The following DMXL1 variants were observed in gnomAD, a reference collection of about 807,000 sequenced individuals.
The protein encoded by DMXL1 is dmX-like protein 1.
In DMXL1, 99 loss-of-function variants were observed where a neutral mutation model predicts 319.2. The ratio of observed to expected loss-of-function variants is 0.31; its 90% confidence interval spans 0.26 to 0.37. DMXL1 has a LOEUF of 0.37. Among genes scored for constraint, DMXL1 ranks in the 10% least tolerant of loss-of-function variants. The probability of loss-of-function intolerance (pLI) is 1.00; values close to 1 mark genes in which losing one functional copy is unlikely to be tolerated. For missense variants in DMXL1, 3,745 were observed against 3,595.6 expected (o/e 1.04, Z -1.06); for synonymous variants, 1,385 against 1,235.2 (o/e 1.12, Z -2.54).
At chr5:119,098,126 T>A in intron 2 of DMXL1, 22 bp downstream of exon 2, 5 of 1,593,346 alleles carry the variant, frequency 3.1e-6, no homozygotes, top group Non-Finnish European at 3.4e-6. Flanking sequence ...TCTTCTAATA[T>A]ACAAATTTGT....
At chr5:119,188,995 CT>C (rs1183687312) in intron 28 of DMXL1, among the ~76,000 whole-genome samples, 3 of 152,058 alleles carry the variant, frequency 2.0e-5, no homozygotes, top group Non-Finnish European at 4.4e-5. Context: ...CTGCAAAATC[CT>C]TGATTGTCTA....
At chr5:119,089,263 C>CATATAT (rs577898951) in intron 1 of DMXL1, among the ~76,000 whole-genome samples, 121 of 80,856 alleles carry the variant, frequency 1.5e-3, no homozygotes, top group African/African-American at 5.5e-3. Flanking sequence ...ATTATATATG[C>CATATAT]ATATATATAT....
intron 36 of DMXL1, 30 bp downstream of exon 36, chr5:119,220,623 A>G: frequency 1.2e-6 from 2 of 1,602,316 alleles, no homozygotes; most frequent in Non-Finnish European, 1.7e-6. Flanking sequence ...CTATTTAGTA[A>G]TGTTGCAATA....
intron 9 of DMXL1, among the ~76,000 whole-genome samples, chr5:119,123,968 C>T (rs888041977): frequency 1.3e-5 from 2 of 150,672 alleles, no homozygotes; most frequent in African/African-American, 2.4e-5. Context: ...TGCAGCAACT[C>T]ACTGGATTAG....
intron 3 of DMXL1, among the ~76,000 whole-genome samples, chr5:119,103,227 T>C (rs1241336561): frequency 4.6e-5 from 7 of 152,208 alleles, no homozygotes; most frequent in Non-Finnish European, 1.0e-4. Flanking sequence ...GATTACTATC[T>C]ATTCAGTCTT....
intron 8 of DMXL1, among the ~76,000 whole-genome samples, chr5:119,120,024 G>A (rs1470813048): frequency 3.3e-5 from 5 of 151,986 alleles, no homozygotes; most frequent in Admixed American, 2.6e-4. Context: ...GGGATTACAG[G>A]TGTGTGCCAC....
chr5:119,130,251 T>C (rs1764552224), intron 10 of DMXL1, among the ~76,000 whole-genome samples: 1 of 152,204 alleles, frequency 6.6e-6, no homozygotes, highest in Non-Finnish European at 1.5e-5. Context: ...TTGCTTATGC[T>C]CACACAAACA....
At chr5:119,198,714 G>A (rs1780112501) in intron 32 of DMXL1, among the ~76,000 whole-genome samples, 1 of 152,192 alleles carries the variant, frequency 6.6e-6, no homozygotes, top group Non-Finnish European at 1.5e-5. Flanking sequence ...CACATTACCT[G>A]ACTTCAAACT....
chr5:119,122,143 C>CT, intron 9 of DMXL1, among the ~76,000 whole-genome samples: 1 of 136,240 alleles, frequency 7.3e-6, no homozygotes. Flanking sequence ...GGGGCTGACC[C>CT]CCCCACCTCC....
intron 39 of DMXL1, among the ~76,000 whole-genome samples, chr5:119,234,216 G>A (rs1324816516): frequency 6.6e-6 from 1 of 152,082 alleles, no homozygotes; most frequent in Non-Finnish European, 1.5e-5. Flanking sequence ...TTATTGAACA[G>A]TACTGCTCCT....
chr5:119,232,666 T>G (rs1487062885), intron 38 of DMXL1, among the ~76,000 whole-genome samples: 1 of 152,104 alleles, frequency 6.6e-6, no homozygotes, highest in African/African-American at 2.4e-5. Flanking sequence ...TAGTCATTTA[T>G]CTTATTCATA....
Position 119,247,468 on chromosome 5 carries a change from A to T in DMXL1, c.*249A>T. On this transcript the variant is annotated 3_prime_UTR_variant, in exon 44 of 44. Coordinates refer to ENST00000539542, the MANE Select transcript of DMXL1 (RefSeq NM_001290321.3). Reference sequence around the variant, plus strand: ...ATACATATCATAGTATATTATAATCAGTATGTCATAGTGTTAAAGGTGTTT... The same window carrying T: ...ATACATATCATAGTATATTATAATCTGTATGTCATAGTGTTAAAGGTGTTT... The T allele has an allele frequency of 3.5e-6, 1 of 282,644 alleles. No individual in the cohort carries two copies. The highest frequency in any genetic ancestry group is 4.6e-5 in the Admixed American group (1 of 21,602). The allele number at this position is 282,644 out of a possible 1,614,324, so 17.5% of individuals were successfully genotyped here.
intron 34 of DMXL1, among the ~76,000 whole-genome samples, chr5:119,207,738 T>C (rs1030031816): frequency 6.6e-6 from 1 of 152,204 alleles, no homozygotes; most frequent in Non-Finnish European, 1.5e-5. Flanking sequence ...GCCAGGCTGA[T>C]GTCAAACTCC....
At chr5:119,242,145 A>G (rs543688850) in intron 42 of DMXL1, among the ~76,000 whole-genome samples, 1 of 152,048 alleles carries the variant, frequency 6.6e-6, no homozygotes, top group African/African-American at 2.4e-5. Flanking sequence ...CTTTTTCTTA[A>G]TTTTTTGGAT....
At chr5:119,139,030 T>G (rs1448911969) in intron 13 of DMXL1, 3 of 152,222 alleles carry the variant, frequency 2.0e-5, no homozygotes, top group Admixed American at 2.0e-4. Flanking sequence ...ACCAAGAATT[T>G]CATATCTAGT....
In DMXL1 at chr5:119,116,140, T is replaced by C. The variant is rs1201421834; in HGVS notation, c.565-18T>C. ...TTCTGATCTCCATGATTTTCTGTTTTGTTTTTTTTTTCCTTAGGATGACTG... is the reference window on the plus strand; with the variant it reads ...TTCTGATCTCCATGATTTTCTGTTTCGTTTTTTTTTTCCTTAGGATGACTG... On this transcript the variant is annotated intron_variant, in intron 6 of 43. Transcript: ENST00000539542. The C allele has an allele frequency of 6.4e-7, 1 of 1,563,704 alleles. No homozygotes were observed. Among genetic ancestry groups the C allele is most frequent in the Non-Finnish European group, 8.7e-7 (1 of 1,155,648 alleles).
chr5:119,120,958 T>C lies in DMXL1; in HGVS notation c.934-13T>C, dbSNP rs370273102. 4.0e-5 allele frequency: 64 copies of C among 1,598,754 alleles called. No homozygotes were observed. The African/African-American group carries it at 7.1e-4, about 18-fold the overall frequency. ...TGACAATATAGGTATTAGTTTTGTT[T>C]CTATTCACACAGGTAAATCTGAGAC... On this transcript the variant is annotated splice_polypyrimidine_tract_variant and intron_variant, in intron 8 of 43. Coordinates refer to ENST00000539542, the MANE Select transcript of DMXL1 (RefSeq NM_001290321.3).
intron 32 of DMXL1, among the ~76,000 whole-genome samples, chr5:119,201,532 T>C (rs1048788166): frequency 2.0e-5 from 3 of 152,150 alleles, no homozygotes; most frequent in Non-Finnish European, 2.9e-5. Context: ...AGTTTTGTTT[T>C]TTTTGTTGTT....
At chr5:119,110,313 T>TA in intron 5 of DMXL1, 30 bp downstream of exon 5, 1 of 1,509,572 alleles carries the variant, frequency 6.6e-7, no homozygotes, top group East Asian at 2.5e-5. Flanking sequence ...AGTAAACTGA[T>TA]AAACCTGTTG....
Sources: gnomAD v4.1 joint callset for allele counts (sites outside exome capture counted in the v4.1 genomes callset) on GRCh38, gnomAD v4.1.1 for gene constraint, MANE v1.5 for transcripts, NCBI Gene and HGNC (gene_info 2026-07-23, HGNC 2026-07-21) for gene names.